Variants in TEFM observed in about 807,000 individuals in gnomAD.
TEFM encodes the protein transcription elongation factor of mitochondria.
In TEFM, 14 loss-of-function variants were observed where a neutral mutation model predicts 23.0. The ratio of observed to expected loss-of-function variants is 0.61; its 90% CI spans 0.40 to 0.95. The LOEUF is 0.95. TEFM is among the 40% of genes least tolerant of loss of function. TEFM has a pLI of 0.00. For missense variants in TEFM, 386 were observed against 425.5 expected (o/e 0.91, Z 0.82); for synonymous variants, 155 against 158.3 (o/e 0.98, Z 0.16).
chr17:30,900,788 A>G (rs1910030340), intron 2 of TEFM, among the ~76,000 whole-genome samples: 1 of 137,550 alleles, frequency 7.3e-6, no homozygotes, highest in Admixed American at 7.3e-5. Context: ...TTTTTTTTTT[A>G]GTAGAGATGG....
In TEFM at chr17:30,904,365, A is replaced by T. The variant is rs765098136; in HGVS notation, c.196T>A (p.Ser66Thr). The change falls in exon 2 of 4, where the codon TCT (serine) becomes ACT (threonine). Residue 66 changes from serine to threonine, a missense_variant. Transcript: ENST00000581216. ...AAGATGGAAGCCTGCTGTTCTGAAGAGAAGAGCTTGTCAAGTGCATTTTCG... is the reference window on the plus strand; with the variant it reads ...AAGATGGAAGCCTGCTGTTCTGAAGTGAAGAGCTTGTCAAGTGCATTTTCG... ...EPENALDKLF[S>T]SEQQASILHV... 1 of 1,614,202 alleles carries T rather than the reference A, an allele frequency of 6.2e-7. No individual in the cohort carries two copies. Among genetic ancestry groups the T allele is most frequent in the Non-Finnish European group, 8.5e-7 (1 of 1,180,048 alleles).
Position 30,900,531 on chromosome 17 carries a change from C to T in TEFM, c.527G>A (p.Gly176Asp), listed in dbSNP as rs1309500626. ...GTGAGCCCAGGCAATTCTTCGAGTA[C>T]CAAAAACGATAGATATGATACTATT... The part of the protein sequence containing the change: ...AVNSIISIVF[G>D]TRRIAWAHLD... Residue 176 changes from glycine to aspartate, a missense_variant, in exon 3 of 4, where the codon GGT becomes GAT. Physicochemically the swap from Gly to Asp is moderately conservative, Grantham distance 94 (BLOSUM62 -1). Transcript: ENST00000581216. The T allele has an allele frequency of 6.2e-7, 1 of 1,613,800 alleles. No homozygotes were observed. The highest frequency in any genetic ancestry group is 1.1e-5 in the South Asian group (1 of 91,038).
Position 30,899,620 on chromosome 17 carries a change from G to T in TEFM, c.646-14C>A. On this transcript the variant is annotated splice_polypyrimidine_tract_variant and intron_variant, in intron 3 of 3. Coordinates refer to ENST00000581216, the MANE Select transcript of TEFM (RefSeq NM_024683.4). ...GATCGAGGAAATCTTTTTAAAAAAA[G>T]ACAAAATAAAGGAACAGAAATAATT... The T allele has an allele frequency of 6.8e-7, 1 of 1,479,132 alleles. No homozygotes were observed. Among genetic ancestry groups the T allele is most frequent in the South Asian group, 1.5e-5 (1 of 66,988 alleles). 91.6% of individuals were successfully genotyped at this position (1,479,132 alleles called of 1,614,324 possible). A position where few individuals can be genotyped will look rare whatever the true frequency, so the allele number is the denominator to read the frequency against.
chr17:30,899,320 G>T lies in TEFM; in HGVS notation c.932C>A (p.Ala311Glu), dbSNP rs1275335311. The change falls in exon 4 of 4, where the codon GCG (alanine) becomes GAG (glutamate). Residue 311 changes from alanine to glutamate, a missense_variant. Ala to Glu is a moderately radical substitution (Grantham distance 107). Coordinates refer to ENST00000581216, the MANE Select transcript of TEFM (RefSeq NM_024683.4). Reference protein sequence around the residue: ...KQFLFDSILKADPRVFFPSDK... With the variant: ...KQFLFDSILKEDPRVFFPSDK... ...TGATGGGAAGAACACCCGAGGATCC[G>T]CCTTCAGTATAGAATCGAAGAGAAA... 6.2e-7 allele frequency: 1 copy of T among 1,614,192 alleles called. No homozygotes were observed. The highest frequency in any genetic ancestry group is 8.5e-7 in the Non-Finnish European group (1 of 1,180,020).
At chr17:30,900,630 C>A in intron 2 of TEFM, 68 bp from the exon 3 acceptor site, 1 of 1,391,220 alleles carries the variant, frequency 7.2e-7, no homozygotes, top group South Asian at 1.3e-5. Flanking sequence ...GAGACGGAGT[C>A]TCGCTCTGTC....
chr17:30,900,258 A>T (rs953060787), intron 3 of TEFM, 155 bp downstream of exon 3: 4 of 703,830 alleles, frequency 5.7e-6, no homozygotes, highest in Non-Finnish European at 8.8e-6. Context: ...ATTTTTAAAA[A>T]TCAAAGGTGA....
chr17:30,899,925 A>G lies in TEFM; in HGVS notation c.646-319T>C, dbSNP rs922311537. 5 of 243,318 alleles carry G rather than the reference A, an allele frequency of 2.1e-5. No homozygotes were observed. In the East Asian group the frequency reaches 3.3e-4, roughly 16 times the overall value. The allele number at this position is 243,318 out of a possible 1,614,324, so 15.1% of individuals were successfully genotyped here. A position where few individuals can be genotyped will look rare whatever the true frequency, so the allele number is the denominator to read the frequency against. On this transcript the variant is annotated intron_variant, in intron 3 of 3. Coordinates refer to ENST00000581216, the MANE Select transcript of TEFM (RefSeq NM_024683.4). ...AAACTGTTTTACTAAACCTTCAAACATTTTCTGGGATAGAGCATACGGTTA... is the reference window on the plus strand; with the variant it reads ...AAACTGTTTTACTAAACCTTCAAACGTTTTCTGGGATAGAGCATACGGTTA...
rs376662993 is a variant in TEFM at position 30,906,183 on chromosome 17, G to C, written c.16C>G (p.Leu6Val). 5.0e-6 allele frequency: 8 copies of C among 1,614,224 alleles called. 1 individual carries two copies. The African/African-American group carries it at 9.3e-5, about 19-fold the overall frequency. The change falls in exon 1 of 4, where the codon CTC becomes GTC. Residue 6 changes from leucine to valine, a missense_variant. Coordinates refer to ENST00000581216, the MANE Select transcript of TEFM (RefSeq NM_024683.4). MSGSV[L>V]FTAGERWRCF... ...AGCACCCTACCTCCCGCCGTGAAGA[G>C]GACAGACCCGCTCATCTCCAAGTTG...
At position 30,899,326 on chromosome 17, in the gene TEFM, A is replaced by G; in HGVS notation, c.926T>C (p.Leu309Pro). The change falls in exon 4 of 4, where the codon CTG (leucine) becomes CCG (proline). Residue 309 changes from leucine to proline, a missense_variant. Leu to Pro is a moderately conservative substitution (Grantham distance 98, BLOSUM62 -3). Coordinates refer to ENST00000581216, the MANE Select transcript of TEFM (RefSeq NM_024683.4). ...GAAGAACACCCGAGGATCCGCCTTC[A>G]GTATAGAATCGAAGAGAAACTGCTT... ...LVKQFLFDSILKADPRVFFPS... is the reference protein window; with the variant it reads ...LVKQFLFDSIPKADPRVFFPS... The G allele has an allele frequency of 1.2e-6, 2 of 1,614,242 alleles. No individual in the cohort carries two copies. Among genetic ancestry groups the G allele is most frequent in the Non-Finnish European group, 8.5e-7 (1 of 1,180,038 alleles).
chr17:30,904,515 A>C lies in TEFM; in HGVS notation c.46T>G (p.Phe16Val), dbSNP rs777207024. The change falls in exon 2 of 4, where the codon TTT becomes GTT. Residue 16 changes from phenylalanine (F) to valine (V), a missense_variant. By Grantham distance (50) the Phe-to-Val change is conservative (BLOSUM62 -1). Transcript: ENST00000581216. ...AGGGATGACCTCGACGGGGTCAGAA[A>C]GCATCTCCACCTCTCTAAAAGGAAA... ...LFTAGERWRC[F>V]LTPSRSSLYW... 27 of 1,606,494 alleles carry C rather than the reference A, an allele frequency of 1.7e-5. No homozygotes were observed. Among genetic ancestry groups the C allele is most frequent in the Non-Finnish European group, 2.3e-5 (27 of 1,175,912 alleles).
In TEFM at chr17:30,899,066, A is replaced by C; in HGVS notation, c.*103T>G. ...CCAAAAGTCAGAATTTAAACATCTA[A>C]AATACACTGAAAATGTGTTCTTTTC... On this transcript the variant is annotated 3_prime_UTR_variant, in exon 4 of 4. Coordinates refer to ENST00000581216, the MANE Select transcript of TEFM (RefSeq NM_024683.4). 8.6e-7 allele frequency: 1 copy of C among 1,162,358 alleles called. No homozygotes were observed. The highest frequency in any genetic ancestry group is 2.4e-5 in the East Asian group (1 of 42,332). 72.0% of individuals were successfully genotyped at this position (1,162,358 alleles called of 1,614,324 possible). A position where few individuals can be genotyped will look rare whatever the true frequency, so the allele number is the denominator to read the frequency against.
At chr17:30,901,744 C>T (rs1374221373) in intron 2 of TEFM, among the ~76,000 whole-genome samples, 1 of 152,182 alleles carries the variant, frequency 6.6e-6, no homozygotes, top group Non-Finnish European at 1.5e-5. Flanking sequence ...ATAAGATTTA[C>T]ATTTCAGAAA....
chr17:30,900,633 G>A (rs745648156), intron 2 of TEFM, 71 bp from the exon 3 acceptor site: 36 of 1,364,358 alleles, frequency 2.6e-5, no homozygotes, highest in African/African-American at 4.3e-5. Flanking sequence ...ACGGAGTCTC[G>A]CTCTGTCTCC....
intron 3 of TEFM, 160 bp downstream of exon 3, chr17:30,900,253 T>A (rs1328610236): frequency 1.5e-6 from 1 of 670,150 alleles, no homozygotes; most frequent in East Asian, 2.8e-5. Context: ...GTTGAATTTT[T>A]AAAAATCAAA....
In TEFM at chr17:30,899,065, A is replaced by G; in HGVS notation, c.*104T>C. 8.6e-7 allele frequency: 1 copy of G among 1,157,526 alleles called. No individual in the cohort carries two copies. The highest frequency in any genetic ancestry group is 1.2e-6 in the Non-Finnish European group (1 of 828,494). 71.7% of individuals were successfully genotyped at this position (1,157,526 alleles called of 1,614,324 possible). A position where few individuals can be genotyped will look rare whatever the true frequency, so the allele number is the denominator to read the frequency against. On this transcript the variant is annotated 3_prime_UTR_variant, in exon 4 of 4. Coordinates refer to ENST00000581216, the MANE Select transcript of TEFM (RefSeq NM_024683.4). ...GCCAAAAGTCAGAATTTAAACATCT[A>G]AAATACACTGAAAATGTGTTCTTTT...
intron 1 of TEFM, 118 bp from the exon 2 acceptor site, chr17:30,904,647 T>C: frequency 3.0e-6 from 2 of 675,430 alleles, no homozygotes; most frequent in South Asian, 2.0e-5. Flanking sequence ...TAAGAACTAA[T>C]AGAGGACAAT....
Position 30,899,346 on chromosome 17 carries a change from C to A in TEFM, c.906G>T (p.Gln302His). The part of the protein sequence containing the change: ...SRTSGKELVK[Q>H]FLFDSILKAD... Reference sequence around the variant, plus strand: ...CCTTCAGTATAGAATCGAAGAGAAACTGCTTCACTAGCTCTTTTCCACTAG... The same window carrying A: ...CCTTCAGTATAGAATCGAAGAGAAAATGCTTCACTAGCTCTTTTCCACTAG... Residue 302 changes from glutamine (Q) to histidine (H), a missense_variant, in exon 4 of 4, where the codon CAG (glutamine) becomes CAT (histidine). By Grantham distance (24) the Gln-to-His change is conservative (BLOSUM62 0). Coordinates refer to ENST00000581216, the MANE Select transcript of TEFM (RefSeq NM_024683.4). The A allele has an allele frequency of 6.2e-7, 1 of 1,614,210 alleles. No homozygotes were observed. The highest frequency in any genetic ancestry group is 8.5e-7 in the Non-Finnish European group (1 of 1,180,040).
intron 2 of TEFM, among the ~76,000 whole-genome samples, chr17:30,902,558 A>C: frequency 6.6e-6 from 1 of 152,214 alleles, no homozygotes; most frequent in East Asian, 1.9e-4. Flanking sequence ...TCCTCCCTGA[A>C]GAATTTGGTT....
At chr17:30,900,283 G>GGAA in intron 3 of TEFM, 130 bp downstream of exon 3, 3 of 872,128 alleles carry the variant, frequency 3.4e-6, no homozygotes, top group Non-Finnish European at 5.1e-6. Flanking sequence ...AAACATAATA[G>GGAA]GAATAAGTGA....
Sources: gnomAD v4.1 joint callset for allele counts (sites outside exome capture counted in the v4.1 genomes callset) on GRCh38, gnomAD v4.1.1 for gene constraint, MANE v1.5 for transcripts, NCBI Gene and HGNC (gene_info 2026-07-23, HGNC 2026-07-21) for gene names.